Variants in GLDN observed in about 807,000 individuals in gnomAD.
The protein encoded by GLDN is collomin.
GLDN carries 47 observed loss-of-function variants against 56.5 expected under a neutral mutation model. The ratio of observed to expected loss-of-function variants is 0.83; its 90% CI spans 0.66 to 1.06. The LOEUF is 1.06. Ranked by LOEUF, GLDN falls within the 50% of genes least tolerant of loss-of-function variation. GLDN has a pLI of 0.00. For missense variants in GLDN, 782 were observed against 714.3 expected (o/e 1.09, Z -1.08); for synonymous variants, 332 against 278.8 (o/e 1.19, Z -1.90).
Position 51,383,453 on chromosome 15 carries a change from G to A in GLDN, c.433G>A (p.Gly145Arg), listed in dbSNP as rs1324157102. ...ICLTGPSGPP[G>R]PPGAGGLPGH... ...CGTTGTAGGACCTTCTGGACCACCA[G>A]GTAAGAGCCCATGGATTTTCTAGTT... The change falls in exon 3 of 10, where the codon GGA (glycine) becomes AGA (arginine). Residue 145 changes from glycine (G) to arginine (R), a missense_variant and splice_region_variant. By Grantham distance (125) the Gly-to-Arg change is moderately radical (BLOSUM62 -2). Coordinates refer to ENST00000335449, the MANE Select transcript of GLDN (RefSeq NM_181789.4). The A allele has an allele frequency of 6.2e-7, 1 of 1,613,920 alleles. No individual in the cohort carries two copies. Among genetic ancestry groups the A allele is most frequent in the African/African-American group, 1.3e-5 (1 of 74,926 alleles).
At chr15:51,346,158 A>G (rs961598737) in intron 1 of GLDN, among the ~76,000 whole-genome samples, 2 of 151,426 alleles carry the variant, frequency 1.3e-5, no homozygotes, top group African/African-American at 4.9e-5. Context: ...CCAACATAAA[A>G]CTATCAATAG....
intron 1 of GLDN, among the ~76,000 whole-genome samples, chr15:51,350,585 G>A (rs939372898): frequency 6.6e-6 from 1 of 152,186 alleles, no homozygotes; most frequent in Admixed American, 6.5e-5. Flanking sequence ...ATTAAGGTTT[G>A]GGAGAGAGCT....
At chr15:51,368,119 G>C (rs761109917) in intron 1 of GLDN, among the ~76,000 whole-genome samples, 2 of 152,184 alleles carry the variant, frequency 1.3e-5, no homozygotes, top group Non-Finnish European at 2.9e-5. Context: ...TAATATCATT[G>C]CTTGGGGAGC....
chr15:51,369,149 T>C (rs895298689), intron 1 of GLDN: 3 of 152,184 alleles, frequency 2.0e-5, no homozygotes, highest in African/African-American at 7.2e-5. Flanking sequence ...ACATCTGCGA[T>C]CTAACCCTCC....
At chr15:51,355,861 T>C (rs2037171752) in intron 1 of GLDN, among the ~76,000 whole-genome samples, 1 of 150,394 alleles carries the variant, frequency 6.6e-6, no homozygotes, top group African/African-American at 2.4e-5. Flanking sequence ...CTTTGTCACC[T>C]GTATCTTGTG....
At chr15:51,409,127 T>C (rs965433250), downstream of GLDN, among the ~76,000 whole-genome samples, 4 of 149,602 alleles carry the variant, frequency 2.7e-5, no homozygotes, top group African/African-American at 4.9e-5. Flanking sequence ...AGGGACACCA[T>C]GTGAATAGTT....
At chr15:51,370,133 G>C (rs901168156) in intron 1 of GLDN, among the ~76,000 whole-genome samples, 8 of 152,236 alleles carry the variant, frequency 5.3e-5, no homozygotes, top group African/African-American at 1.9e-4. Context: ...GAATAAAAAA[G>C]AAAGTAGATG....
intron 1 of GLDN, among the ~76,000 whole-genome samples, chr15:51,363,642 G>A (rs1219779060): frequency 6.6e-6 from 1 of 152,154 alleles, no homozygotes; most frequent in Non-Finnish European, 1.5e-5. Context: ...TACGACACAA[G>A]CAATAGATAA....
intron 1 of GLDN, among the ~76,000 whole-genome samples, chr15:51,373,028 A>G (rs2141081489): frequency 6.6e-6 from 1 of 152,188 alleles, no homozygotes; most frequent in Non-Finnish European, 1.5e-5. Flanking sequence ...GCAGACCTAA[A>G]TGTCCTCCTT....
At chr15:51,411,871 C>T (rs762404881), downstream of GLDN, among the ~76,000 whole-genome samples, 18 of 152,368 alleles carry the variant, frequency 1.2e-4, no homozygotes, top group East Asian at 5.8e-4. Context: ...GATAATCATG[C>T]TACCTCAAAT....
At chr15:51,342,073 G>A (rs770086993) in intron 1 of GLDN, 26 bp downstream of exon 1, 2 of 1,588,526 alleles carry the variant, frequency 1.3e-6, no homozygotes, top group South Asian at 1.1e-5. Context: ...GTTCCCCGTG[G>A]CGCCCCGGCC....
chr15:51,350,813 G>T lies in GLDN; in HGVS notation c.363+8766G>T, dbSNP rs527299574. On this transcript the variant is annotated intron_variant, in intron 1 of 9. Transcript: ENST00000335449. Reference sequence around the variant, plus strand: ...TATAAGAAACAGGCGGGTCAAGGCTGATCATCTGGACCCATGAAAATAGAG... The same window carrying T: ...TATAAGAAACAGGCGGGTCAAGGCTTATCATCTGGACCCATGAAAATAGAG... Among the ~76,000 whole-genome samples, 5 of 152,278 alleles carry T rather than the reference G, an allele frequency of 3.3e-5. No individual in the cohort carries two copies. The East Asian group carries it at 7.7e-4, about 24-fold the overall frequency.
downstream of GLDN, among the ~76,000 whole-genome samples, chr15:51,409,021 C>A: frequency 6.7e-6 from 1 of 148,582 alleles, no homozygotes; most frequent in African/African-American, 2.4e-5. Flanking sequence ...GTGTCCCTAA[C>A]CATTTCTGCA....
chr15:51,384,056 G>A, intron 4 of GLDN, 164 bp downstream of exon 4: 1 of 691,572 alleles, frequency 1.4e-6, no homozygotes. Flanking sequence ...GGATACCAAG[G>A]GTATACTTCT....
Position 51,348,506 on chromosome 15 carries a change from A to T in GLDN, c.363+6459A>T, listed in dbSNP as rs573344653. 1.1e-4 allele frequency among the ~76,000 whole-genome samples: 17 copies of T among 151,400 alleles called. No individual in the cohort carries two copies. In the South Asian group the frequency reaches 1.3e-3, roughly 11 times the overall value. ...CACCACACCTGGCTAATTAAAAAAA[A>T]TTTTTTTTCTTTAGTAGAAATCTCA... On this transcript the variant is annotated intron_variant, in intron 1 of 9. Coordinates refer to ENST00000335449, the MANE Select transcript of GLDN (RefSeq NM_181789.4).
chr15:51,354,807 G>T (rs1377180431), intron 1 of GLDN, among the ~76,000 whole-genome samples: 1 of 152,198 alleles, frequency 6.6e-6, no homozygotes, highest in East Asian at 1.9e-4. Flanking sequence ...CCAGGGAAGA[G>T]TCATAAAGGC....
chr15:51,352,537 C>A (rs1033463806), intron 1 of GLDN, among the ~76,000 whole-genome samples: 7 of 152,142 alleles, frequency 4.6e-5, no homozygotes, highest in African/African-American at 1.7e-4. Flanking sequence ...CTTGTCTGTT[C>A]ATCTGTGCTT....
In GLDN at chr15:51,377,444, T is replaced by A; in HGVS notation, c.364-5T>A. On this transcript the variant is annotated splice_region_variant and splice_polypyrimidine_tract_variant and intron_variant, in intron 1 of 9. Coordinates refer to ENST00000335449, the MANE Select transcript of GLDN (RefSeq NM_181789.4). ...TCTGCTCTGATGACCCTCTCTCCCCTGCAGATCCGAGTGATGGTGGACCTG... is the reference window on the plus strand; with the variant it reads ...TCTGCTCTGATGACCCTCTCTCCCCAGCAGATCCGAGTGATGGTGGACCTG... 1 of 1,613,436 alleles carries A rather than the reference T, an allele frequency of 6.2e-7. No homozygotes were observed. Among genetic ancestry groups the A allele is most frequent in the Non-Finnish European group, 8.5e-7 (1 of 1,179,378 alleles).
chr15:51,359,425 C>A (rs1253932388), intron 1 of GLDN, among the ~76,000 whole-genome samples: 1 of 152,168 alleles, frequency 6.6e-6, no homozygotes, highest in Admixed American at 6.5e-5. Flanking sequence ...GGTACCTAAG[C>A]CAGGTAAATG....
Sources: allele counts gnomAD v4.1 joint callset (sites outside exome capture counted in the v4.1 genomes callset), GRCh38; gene constraint gnomAD v4.1.1; transcripts MANE v1.5; gene names NCBI Gene and HGNC (gene_info 2026-07-23, HGNC 2026-07-21).